GPD2: variants seen among roughly 807,000 people sequenced by gnomAD.
GPD2 encodes the protein glycerol-3-phosphate dehydrogenase, mitochondrial.
A neutral mutation model predicts 82.4 loss-of-function variants in GPD2; 54 were observed. That is an observed-to-expected ratio of 0.66 (90% CI 0.53 to 0.82). The LOEUF is 0.82. Among genes scored for constraint, GPD2 ranks in the 40% least tolerant of loss-of-function variants. GPD2 has a pLI of 0.00. For synonymous variants in GPD2, 288 were observed against 306.1 expected (o/e 0.94, Z 0.62); for missense variants, 748 against 896.2 (o/e 0.83, Z 2.11).
chr2:156,480,429 G>GT (rs36035034), intron 2 of GPD2, among the ~76,000 whole-genome samples: 46,099 of 151,890 alleles, frequency 0.3, 7,778 homozygotes, highest in East Asian at 0.57. Flanking sequence ...CAACGGCACT[G>GT]TTTAACACTT....
chr2:156,525,534 T>A lies in GPD2; in HGVS notation c.661+12038T>A, dbSNP rs560586047. Among the ~76,000 whole-genome samples the A allele has an allele frequency of 2.6e-5, 4 of 152,290 alleles. No homozygotes were observed. In the South Asian group the frequency reaches 8.3e-4, roughly 32 times the overall value. ...ATAGAAAAAATTAGGAAAAAAATTA[T>A]GTGAAGAAGAAAAACATGTTGAGTT... On this transcript the variant is annotated intron_variant, in intron 6 of 16. Coordinates refer to ENST00000438166, the MANE Select transcript of GPD2 (RefSeq NM_000408.5).
At chr2:156,424,479 T>C in the GPD2 span, among the ~76,000 whole-genome samples, 2 of 152,002 alleles carry the variant, frequency 1.3e-5, no homozygotes, top group Non-Finnish European at 2.9e-5. Context: ...CTGCAACTGC[T>C]CAAGGACACA....
intron 6 of GPD2, among the ~76,000 whole-genome samples, chr2:156,544,516 T>G (rs1444926576): frequency 6.6e-6 from 1 of 152,160 alleles, no homozygotes; most frequent in Non-Finnish European, 1.5e-5. Flanking sequence ...ATACTGCTAA[T>G]CAAATCAAAG....
At chr2:156,470,092 A>G (rs1460168545) in intron 1 of GPD2, among the ~76,000 whole-genome samples, 1 of 152,206 alleles carries the variant, frequency 6.6e-6, no homozygotes, top group African/African-American at 2.4e-5. Flanking sequence ...CCCAGCTCCT[A>G]TTCAAGATGG....
intron 1 of GPD2, among the ~76,000 whole-genome samples, chr2:156,448,695 C>T (rs1401979404): frequency 6.6e-6 from 1 of 152,208 alleles, no homozygotes; most frequent in African/African-American, 2.4e-5. Context: ...GGCCCCAAAA[C>T]ACTAATAGTA....
intron 2 of GPD2, among the ~76,000 whole-genome samples, chr2:156,486,676 A>G (rs2105222115): frequency 6.6e-6 from 1 of 152,360 alleles, no homozygotes; most frequent in East Asian, 1.9e-4. Flanking sequence ...AATAGAAGTT[A>G]GGCGATTCCA....
At chr2:156,538,590 G>T (rs1686170892) in intron 6 of GPD2, among the ~76,000 whole-genome samples, 1 of 152,036 alleles carries the variant, frequency 6.6e-6, no homozygotes, top group Admixed American at 6.6e-5. Context: ...GGAGGCCAAG[G>T]TGGGTGGATC....
At chr2:156,540,833 A>C (rs183221305) in intron 6 of GPD2, among the ~76,000 whole-genome samples, 1 of 152,348 alleles carries the variant, frequency 6.6e-6, no homozygotes, top group East Asian at 1.9e-4. Context: ...GAGTAAAAGA[A>C]GAACAAACAG....
At chr2:156,433,676 G>A (rs1688347772), upstream of GPD2, among the ~76,000 whole-genome samples, 1 of 152,214 alleles carries the variant, frequency 6.6e-6, no homozygotes, top group African/African-American at 2.4e-5. Context: ...TAGGCAGCGG[G>A]CAAGGTGAAC....
At chr2:156,449,904 A>C (rs1682495511) in intron 1 of GPD2, among the ~76,000 whole-genome samples, 1 of 147,730 alleles carries the variant, frequency 6.8e-6, no homozygotes, top group Non-Finnish European at 1.5e-5. Flanking sequence ...AATCCCAGCT[A>C]CTAGGGAGGC....
chr2:156,454,262 CT>C (rs917690159), intron 1 of GPD2, among the ~76,000 whole-genome samples: 5 of 152,058 alleles, frequency 3.3e-5, no homozygotes, highest in African/African-American at 1.2e-4. Context: ...ACTCTTTAAT[CT>C]CTTGATCATA....
At chr2:156,527,526 C>T (rs867955031) in intron 6 of GPD2, among the ~76,000 whole-genome samples, 5 of 152,006 alleles carry the variant, frequency 3.3e-5, no homozygotes, top group African/African-American at 4.8e-5. Flanking sequence ...CAGGCACACG[C>T]AACTAACCTC....
the GPD2 span, among the ~76,000 whole-genome samples, chr2:156,400,494 G>T: frequency 6.6e-6 from 1 of 152,234 alleles, no homozygotes; most frequent in Non-Finnish European, 1.5e-5. Context: ...GCCGCGCAGG[G>T]CACCGGATCC....
chr2:156,533,806 C>T (rs1685955557), intron 6 of GPD2, among the ~76,000 whole-genome samples: 1 of 152,230 alleles, frequency 6.6e-6, no homozygotes, highest in Non-Finnish European at 1.5e-5. Flanking sequence ...TGTTCGGCCA[C>T]CATGCTCAAA....
intron 2 of GPD2, among the ~76,000 whole-genome samples, chr2:156,479,646 A>G (rs1171671432): frequency 6.6e-6 from 1 of 152,112 alleles, no homozygotes; most frequent in African/African-American, 2.4e-5. Context: ...TTCAATTCCA[A>G]CCAAGGAAGT....
At chr2:156,549,017 G>A (rs1413706404) in intron 6 of GPD2, among the ~76,000 whole-genome samples, 2 of 150,516 alleles carry the variant, frequency 1.3e-5, no homozygotes, top group African/African-American at 4.9e-5. Context: ...ATTAAATTTT[G>A]CCCTGCTTAA....
chr2:156,402,767 C>CT, the GPD2 span, among the ~76,000 whole-genome samples: 6 of 152,146 alleles, frequency 3.9e-5, no homozygotes, highest in Non-Finnish European at 8.8e-5. Context: ...CCTCCCTGCT[C>CT]TGTCTCCCAA....
In GPD2 at chr2:156,557,586, A is replaced by G. The variant is rs779437072; in HGVS notation, c.1165+4A>G. On this transcript the variant is annotated splice_donor_region_variant and intron_variant, in intron 9 of 16. Coordinates refer to ENST00000438166, the MANE Select transcript of GPD2 (RefSeq NM_000408.5). ...TACCTGAGTTGTGATGTTGAAGGTA[A>G]CTAAGCATTCCTTTAAGTTTGTCTC... is the stretch of plus-strand genomic sequence containing the variant. The G allele has an allele frequency of 7.3e-6, 11 of 1,512,666 alleles. No individual in the cohort carries two copies. The Admixed American group carries it at 1.5e-4, about 21-fold the overall frequency. The allele number at this position is 1,512,666 out of a possible 1,614,324, so 93.7% of individuals were successfully genotyped here. A position where few individuals can be genotyped will look rare whatever the true frequency, so the allele number is the denominator to read the frequency against.
the GPD2 span, among the ~76,000 whole-genome samples, chr2:156,421,074 A>G: frequency 6.6e-6 from 1 of 152,218 alleles, no homozygotes; most frequent in Non-Finnish European, 1.5e-5. Context: ...TCTATATAGT[A>G]GGTCTGTGGT....
Sources: allele counts gnomAD v4.1 joint callset (sites outside exome capture counted in the v4.1 genomes callset), GRCh38; gene constraint gnomAD v4.1.1; transcripts MANE v1.5; gene names NCBI Gene and HGNC (gene_info 2026-07-23, HGNC 2026-07-21).